Variants in WASF1 observed in about 807,000 individuals in gnomAD.
WASF1 encodes WASP family member 1.
WASF1 carries 7 observed loss-of-function variants against 50.5 expected under a neutral mutation model. That is an observed-to-expected ratio of 0.14 (90% CI 0.08 to 0.26). The LOEUF (loss-of-function observed/expected upper bound fraction) is 0.26. Among genes scored for constraint, WASF1 ranks in the 10% least tolerant of loss-of-function variants. The pLI is 1.00. For synonymous variants in WASF1, 205 were observed against 244.0 expected, an observed-to-expected ratio of 0.84 and a Z score of 1.49; for missense variants, 470 against 694.7, an observed-to-expected ratio of 0.68 and a Z score of 3.64.
At chr6:110,169,754 A>G (rs1274734576) in intron 2 of WASF1, among the ~76,000 whole-genome samples, 1 of 152,188 alleles carries the variant, frequency 6.6e-6, no homozygotes, top group East Asian at 1.9e-4. Context: ...GTCTATACTT[A>G]AAACTTAGTT....
intron 2 of WASF1, among the ~76,000 whole-genome samples, chr6:110,165,030 G>T (rs142389855): frequency 6.0e-4 from 91 of 151,672 alleles, no homozygotes; most frequent in South Asian, 1.5e-3. Context: ...GGTTTCCAGG[G>T]GTTAGAAAGG....
chr6:110,177,083 TA>T (rs773994362), intron 2 of WASF1: 59 of 152,144 alleles, frequency 3.9e-4, no homozygotes, highest in Non-Finnish European at 7.1e-4. Flanking sequence ...TATACAATAT[TA>T]AAACTGTCTC....
At chr6:110,168,642 G>A (rs780987836) in intron 2 of WASF1, among the ~76,000 whole-genome samples, 1 of 151,978 alleles carries the variant, frequency 6.6e-6, no homozygotes, top group Non-Finnish European at 1.5e-5. Context: ...CAAGAGCAAG[G>A]CTTTTAAAAC....
At position 110,121,261 on chromosome 6, in the gene WASF1, G is replaced by A. The variant is rs1011564172; in HGVS notation, c.133+6208C>T. ...AGAGTGAACAGGCAACCTACAGAAT[G>A]GGAGAAAATCCTTGCAATCTACCCA... On this transcript the variant is annotated intron_variant, in intron 4 of 10. Transcript: ENST00000392589. 2.6e-5 allele frequency among the ~76,000 whole-genome samples: 4 copies of A among 152,272 alleles called. No individual in the cohort carries two copies. In the East Asian group the frequency reaches 7.7e-4, roughly 29 times the overall value.
intron 4 of WASF1, among the ~76,000 whole-genome samples, chr6:110,114,788 T>G (rs1334123625): frequency 1.3e-5 from 2 of 150,882 alleles, no homozygotes; most frequent in African/African-American, 4.9e-5. Flanking sequence ...AGTTTCCATG[T>G]ATGCTGCTTG....
At chr6:110,159,036 T>A (rs1161241303) in intron 3 of WASF1, among the ~76,000 whole-genome samples, 3 of 151,962 alleles carry the variant, frequency 2.0e-5, no homozygotes, top group African/African-American at 4.8e-5. Context: ...CATGCTTACA[T>A]CTTGTCTATT....
chr6:110,165,411 C>T (rs564777912), intron 2 of WASF1, among the ~76,000 whole-genome samples: 10 of 151,720 alleles, frequency 6.6e-5, no homozygotes, highest in Non-Finnish European at 1.3e-4. Flanking sequence ...GAACTATATA[C>T]ACTTTCAAAT....
intron 9 of WASF1, 67 bp from the exon 10 acceptor site, chr6:110,102,283 A>G: frequency 7.5e-7 from 1 of 1,332,384 alleles, no homozygotes; most frequent in Non-Finnish European, 9.7e-7. Flanking sequence ...ATCTAACCAC[A>G]CAAACTATAA....
chr6:110,164,382 A>G (rs1776384525), intron 2 of WASF1, among the ~76,000 whole-genome samples: 1 of 151,708 alleles, frequency 6.6e-6, no homozygotes, highest in Non-Finnish European at 1.5e-5. Context: ...AAAAATTGGG[A>G]AAAAGTTCTC....
chr6:110,126,501 G>C (rs1017317285), intron 4 of WASF1, among the ~76,000 whole-genome samples: 6 of 152,092 alleles, frequency 3.9e-5, no homozygotes, highest in African/African-American at 1.4e-4. Context: ...AAACAAATTA[G>C]ATTAACAACC....
chr6:110,163,279 C>T (rs1776335965), intron 2 of WASF1, among the ~76,000 whole-genome samples: 1 of 151,446 alleles, frequency 6.6e-6, no homozygotes, highest in Admixed American at 6.6e-5. Flanking sequence ...TTATTTGGGG[C>T]TGCTATAATG....
Position 110,127,539 on chromosome 6 carries a change from G to A in WASF1, c.63C>T (p.Gly21=), listed in dbSNP as rs55817927. ...RHLCHTALPR[G]IKNELECVTN... is the part of the protein sequence containing the mutation. ...TTACACATTCCAGTTCATTCTTAAT[G>A]CCTCTAGGCAGTGCTGTGTGGCACA... is the stretch of plus-strand genomic sequence containing the variant. The change falls in exon 4 of 11, where the codon GGC becomes GGT. Residue 21 remains glycine, a synonymous_variant. Coordinates refer to ENST00000392589, the MANE Select transcript of WASF1 (RefSeq NM_003931.3). The A allele has an allele frequency of 0.05, 80,239 of 1,602,316 alleles. 2,389 individuals carry two copies. Among genetic ancestry groups the A allele is most frequent in the African/African-American group, 0.12 (8,639 of 74,558 alleles).
intron 3 of WASF1, 44 bp downstream of exon 3, chr6:110,160,591 G>C (rs954723262): frequency 1.3e-5 from 2 of 151,664 alleles, no homozygotes; most frequent in African/African-American, 4.8e-5. Flanking sequence ...ATTGACACCT[G>C]CTATCAGGAG....
chr6:110,179,531 C>A lies in WASF1; in HGVS notation c.-364G>T. The A allele has an allele frequency of 6.6e-6, 1 of 152,248 alleles. No individual in the cohort carries two copies. The highest frequency in any genetic ancestry group is 1.5e-5 in the Non-Finnish European group (1 of 68,032). The allele number at this position is 152,248 out of a possible 1,614,324, so 9.4% of individuals were successfully genotyped here. ...GGCTCGCGGGACTCCGCCTAGAGCCCCCAGGAGGGTCGGGCTCTGGGGCGG... is the reference window on the plus strand; with the variant it reads ...GGCTCGCGGGACTCCGCCTAGAGCCACCAGGAGGGTCGGGCTCTGGGGCGG... On this transcript the variant is annotated 5_prime_UTR_variant, in exon 1 of 11. Transcript: ENST00000392589.
chr6:110,119,450 TAA>T (rs1773980946), intron 4 of WASF1, among the ~76,000 whole-genome samples: 1 of 152,048 alleles, frequency 6.6e-6, no homozygotes, highest in East Asian at 1.9e-4. Flanking sequence ...CAGAAATGGA[TAA>T]ATTCCTGGAC....
chr6:110,144,909 T>C (rs1299286693), intron 3 of WASF1, among the ~76,000 whole-genome samples: 4 of 152,088 alleles, frequency 2.6e-5, no homozygotes, highest in African/African-American at 4.8e-5. Flanking sequence ...TCCAGCTTTG[T>C]TCTTTTGGCT....
At position 110,108,537 on chromosome 6, in the gene WASF1, G is replaced by T. The variant is rs370579416; in HGVS notation, c.413C>A (p.Thr138Asn). The change falls in exon 6 of 11, where the codon ACT becomes AAT. Residue 138 changes from threonine to asparagine, a missense_variant. Transcript: ENST00000392589. ...CEQPPPLNIL[T>N]PYRDDGKEGL... ...TTATTAACCTACCTACCTATAAGGA[G>T]TGAGTATATTGAGAGGTGGAGGCTG... 2 of 1,613,084 alleles carry T rather than the reference G, an allele frequency of 1.2e-6. No individual in the cohort carries two copies. Among genetic ancestry groups the T allele is most frequent in the Non-Finnish European group, 1.7e-6 (2 of 1,179,458 alleles).
chr6:110,100,903 T>C (rs1208409020), intron 10 of WASF1, among the ~76,000 whole-genome samples: 1 of 152,146 alleles, frequency 6.6e-6, no homozygotes, highest in Non-Finnish European at 1.5e-5. Context: ...GTATCTACAG[T>C]TTATTTATCC....
chr6:110,114,805 A>T (rs1159305997), intron 4 of WASF1, among the ~76,000 whole-genome samples: 2 of 152,066 alleles, frequency 1.3e-5, no homozygotes, highest in Non-Finnish European at 2.9e-5. Flanking sequence ...CTTGAAAAAA[A>T]AAAAAAAATT....
Sources: allele counts gnomAD v4.1 joint callset (sites outside exome capture counted in the v4.1 genomes callset), GRCh38; gene constraint gnomAD v4.1.1; transcripts MANE v1.5; gene names NCBI Gene and HGNC (gene_info 2026-07-23, HGNC 2026-07-21).